COL11A1: variants seen among roughly 807,000 people sequenced by gnomAD.
The protein encoded by COL11A1 is collagen alpha-1(XI) chain.
In COL11A1, 74 loss-of-function variants were observed where a neutral mutation model predicts 265.2. That is an observed-to-expected ratio of 0.28 (90% confidence interval 0.23 to 0.34). The LOEUF is 0.34. COL11A1 is among the 10% of genes least tolerant of loss of function. The pLI is 1.00. For missense variants in COL11A1, 2,165 were observed against 2,263.6 expected, an observed-to-expected ratio of 0.96 and a Z score of 0.88; for synonymous variants, 816 against 727.6, an observed-to-expected ratio of 1.12 and a Z score of -1.96.
chr1:103,096,241 A>C (rs542601755), intron 1 of COL11A1, among the ~76,000 whole-genome samples: 1 of 152,168 alleles, frequency 6.6e-6, no homozygotes, highest in African/African-American at 2.4e-5. Flanking sequence ...GTGAGGAAGT[A>C]ACTGCAATTT....
chr1:103,039,642 C>T (rs770442591), intron 4 of COL11A1, among the ~76,000 whole-genome samples: 3 of 151,978 alleles, frequency 2.0e-5, no homozygotes, highest in Non-Finnish European at 4.4e-5. Flanking sequence ...CTGGTAGCCT[C>T]CAGAACTTTG....
At chr1:102,901,319 T>TAAAA (rs35142040) in intron 54 of COL11A1, among the ~76,000 whole-genome samples, 3 of 125,806 alleles carry the variant, frequency 2.4e-5, no homozygotes, top group African/African-American at 8.5e-5. Flanking sequence ...AAACTCTGTC[T>TAAAA]AAAAAAAAAA....
chr1:102,950,246 G>A (rs1003635479), intron 41 of COL11A1, among the ~76,000 whole-genome samples: 1 of 152,144 alleles, frequency 6.6e-6, no homozygotes, highest in Non-Finnish European at 1.5e-5. Flanking sequence ...TTATACTGCT[G>A]CACTCCAGCC....
chr1:103,047,749 T>G lies in COL11A1; in HGVS notation c.652-16505A>C, dbSNP rs1378558042. 3.3e-5 allele frequency among the ~76,000 whole-genome samples: 5 copies of G among 152,284 alleles called. 1 individual carries two copies. In the South Asian group the frequency reaches 1.0e-3, roughly 32 times the overall value. The stretch of plus-strand genomic sequence containing the variant: ...GATATTGGCTGTGGTTTGTCATAGA[T>G]AGCTCTTATTATTTTGAGATATGAC... On this transcript the variant is annotated intron_variant, in intron 4 of 66. Coordinates refer to ENST00000370096, the MANE Select transcript of COL11A1 (RefSeq NM_001854.4).
rs1009682657 is a variant in COL11A1, at chr1:102,961,931, G to A, written c.3115-12C>T. On this transcript the variant is annotated splice_polypyrimidine_tract_variant and intron_variant, in intron 40 of 66. Coordinates refer to ENST00000370096, the MANE Select transcript of COL11A1 (RefSeq NM_001854.4). ...AGTCCAGGTGCACCCTGGGAAAAGT[G>A]AAAAAAATAAAGAAAATGAATCCAT... 44 of 1,610,416 alleles carry A rather than the reference G, an allele frequency of 2.7e-5. No individual in the cohort carries two copies. The African/African-American group carries it at 4.0e-4, about 15-fold the overall frequency.
intron 57 of COL11A1, among the ~76,000 whole-genome samples, chr1:102,891,931 C>A (rs1044733384): frequency 6.6e-6 from 1 of 151,994 alleles, no homozygotes; most frequent in African/African-American, 2.4e-5. Context: ...CACTAACAAG[C>A]CAAATTGTTG....
intron 44 of COL11A1, among the ~76,000 whole-genome samples, chr1:102,936,238 CAA>C (rs766344666): frequency 3.3e-4 from 41 of 123,464 alleles, no homozygotes; most frequent in Non-Finnish European, 3.5e-4. Flanking sequence ...GTGCTTGTCT[CAA>C]AAAAAAAAAA....
intron 4 of COL11A1, among the ~76,000 whole-genome samples, chr1:103,067,829 A>G (rs1671268946): frequency 6.6e-6 from 1 of 151,718 alleles, no homozygotes; most frequent in Non-Finnish European, 1.5e-5. Context: ...GCTTTATATG[A>G]ACAAATCCAA....
chr1:102,979,882 C>T (rs1662873706), intron 31 of COL11A1, among the ~76,000 whole-genome samples: 1 of 152,128 alleles, frequency 6.6e-6, no homozygotes, highest in Non-Finnish European at 1.5e-5. Context: ...ATAGTTACCA[C>T]TTTTGAGTTG....
At chr1:102,909,625 T>G (rs913608596) in intron 54 of COL11A1, among the ~76,000 whole-genome samples, 1 of 152,112 alleles carries the variant, frequency 6.6e-6, no homozygotes, top group Non-Finnish European at 1.5e-5. Flanking sequence ...AACTCATGTT[T>G]TAAAATTATA....
chr1:102,967,227 C>CTT (rs35303945), intron 37 of COL11A1, among the ~76,000 whole-genome samples: 550 of 52,690 alleles, frequency 0.01, 179 homozygotes, highest in Middle Eastern at 0.053. Flanking sequence ...ATAATAAATT[C>CTT]TTTTTTTTTT....
chr1:103,076,119 C>T (rs1671954284), intron 3 of COL11A1, among the ~76,000 whole-genome samples: 1 of 152,018 alleles, frequency 6.6e-6, no homozygotes, highest in Non-Finnish European at 1.5e-5. Context: ...AATGATATGT[C>T]ATAATCATGG....
rs4013849 is a variant in COL11A1 at position 103,006,526 on chromosome 1, A to ATTTTTTT, written c.1684-218_1684-212dup. Among the ~76,000 whole-genome samples the ATTTTTTT allele has an allele frequency of 9.0e-3, 743 of 82,856 alleles. 128 individuals are homozygous for ATTTTTTT. The highest frequency in any genetic ancestry group is 0.017 in the South Asian group (31 of 1,840). 54.4% of individuals were successfully genotyped at this position (82,856 alleles called of 152,430 possible). ...ATACCTATTTTTTCTAAATGGCTCC[A>ATTTTTTT]TTTTTTTTTTTTTTTTTTTTTTTTT... On this transcript the variant is annotated intron_variant, in intron 15 of 66. Transcript: ENST00000370096.
Position 102,878,078 on chromosome 1 carries a change from A to C in COL11A1, c.5362T>G (p.Phe1788Val), listed in dbSNP as rs571497194. The change falls in exon 67 of 67, where the codon TTT (phenylalanine) becomes GTT (valine). Residue 1788 changes from phenylalanine to valine, a missense_variant. By Grantham distance (50) the Phe-to-Val change is conservative (BLOSUM62 -1). Coordinates refer to ENST00000370096, the MANE Select transcript of COL11A1 (RefSeq NM_001854.4). ...CCGAACTTCTGATTCTGATCACCAA[A>C]GTCATTGATCATGACATCAACAATA... The part of the protein sequence containing the change: ...VPIVDVMIND[F>V]GDQNQKFGFE... 1 of 1,613,646 alleles carries C rather than the reference A, an allele frequency of 6.2e-7. No individual in the cohort carries two copies. Among genetic ancestry groups the C allele is most frequent in the South Asian group, 1.1e-5 (1 of 91,072 alleles).
intron 36 of COL11A1, among the ~76,000 whole-genome samples, chr1:102,972,457 A>G (rs558722822): frequency 3.7e-4 from 56 of 152,278 alleles, no homozygotes; most frequent in African/African-American, 1.3e-3. Flanking sequence ...AGACTGAGGG[A>G]GTAGTGTTAA....
intron 4 of COL11A1, among the ~76,000 whole-genome samples, chr1:103,058,866 C>T (rs564844533): frequency 1.3e-5 from 2 of 152,070 alleles, no homozygotes; most frequent in African/African-American, 4.8e-5. Flanking sequence ...CATTTCAAAT[C>T]TTTTCATTTT....
rs367853852 is a variant in COL11A1, at chr1:102,887,678, C to T, written c.4609-622G>A. ...CCACAAAAATTTGTAATGTTGAAGT[C>T]CTAATTCTCAGTATCTCAGAATGTA... is the stretch of plus-strand genomic sequence containing the variant. On this transcript the variant is annotated intron_variant, in intron 62 of 66. Transcript: ENST00000370096. 4.6e-5 allele frequency among the ~76,000 whole-genome samples: 7 copies of T among 152,140 alleles called. No individual in the cohort carries two copies. In the East Asian group the frequency reaches 1.2e-3, roughly 25 times the overall value.
chr1:102,928,780 T>C (rs1416794653), intron 46 of COL11A1, among the ~76,000 whole-genome samples: 5 of 142,622 alleles, frequency 3.5e-5, no homozygotes, highest in African/African-American at 1.0e-4. Flanking sequence ...TTTTAATGAT[T>C]GCCATTCTAA....
chr1:102,932,727 A>G (rs1478107418), intron 46 of COL11A1, among the ~76,000 whole-genome samples: 1 of 151,198 alleles, frequency 6.6e-6, no homozygotes, highest in South Asian at 2.1e-4. Context: ...TTTCAGGTAC[A>G]CCAATCAGAC....
Sources: gnomAD v4.1 joint callset for allele counts (sites outside exome capture counted in the v4.1 genomes callset) on GRCh38, gnomAD v4.1.1 for gene constraint, MANE v1.5 for transcripts, NCBI Gene and HGNC (gene_info 2026-07-23, HGNC 2026-07-21) for gene names.